Variants in RHCG observed in about 807,000 individuals in gnomAD.
RHCG encodes the protein ammonium transporter Rh type C.
In RHCG, 39 loss-of-function variants were observed where a neutral mutation model predicts 55.3. The ratio of observed to expected loss-of-function variants is 0.70; its 90% CI spans 0.55 to 0.92. The LOEUF is 0.92. Ranked by LOEUF, RHCG falls within the 40% of genes least tolerant of loss-of-function variation. The pLI is 0.00. For synonymous variants in RHCG, 250 were observed against 246.8 expected (o/e 1.01, Z -0.12); for missense variants, 635 against 627.9 (o/e 1.01, Z -0.12).
At chr15:89,496,302 G>T in intron 1 of RHCG, 59 bp downstream of exon 1, 1 of 1,578,402 alleles carries the variant, frequency 6.3e-7, no homozygotes. Flanking sequence ...CCGAGCCCTT[G>T]GCCAGGTGGG....
At chr15:89,491,739 C>T (rs549036580) in intron 1 of RHCG, among the ~76,000 whole-genome samples, 1 of 151,986 alleles carries the variant, frequency 6.6e-6, no homozygotes, top group Admixed American at 6.5e-5. Flanking sequence ...CGCACTCCAG[C>T]CTGGGCAACA....
At chr15:89,494,281 C>A (rs562981621) in intron 1 of RHCG, among the ~76,000 whole-genome samples, 1 of 152,142 alleles carries the variant, frequency 6.6e-6, no homozygotes, top group South Asian at 2.1e-4. Context: ...TGCCACGGTG[C>A]CCCTCTCTGC....
At chr15:89,478,277 T>C (rs888255188) in intron 5 of RHCG, among the ~76,000 whole-genome samples, 3 of 152,238 alleles carry the variant, frequency 2.0e-5, no homozygotes, top group Non-Finnish European at 4.4e-5. Flanking sequence ...GTTTTATGTA[T>C]ACCATGTATA....
chr15:89,490,232 T>C (rs555104916), intron 1 of RHCG, among the ~76,000 whole-genome samples: 1 of 152,320 alleles, frequency 6.6e-6, no homozygotes, highest in East Asian at 1.9e-4. Context: ...CCTGCCCTCA[T>C]CTGTTTCCCT....
rs1041223441 is a variant in RHCG at position 89,477,514 on chromosome 15, T to C, written c.1112+3A>G. 2 of 1,613,924 alleles carry C rather than the reference T, an allele frequency of 1.2e-6. No homozygotes were observed. Among genetic ancestry groups the C allele is most frequent in the African/African-American group, 2.7e-5 (2 of 74,934 alleles). On this transcript the variant is annotated splice_donor_region_variant and intron_variant, in intron 7 of 10. Coordinates refer to ENST00000268122, the MANE Select transcript of RHCG (RefSeq NM_016321.3). The surrounding 1 kb of genome is among the most constrained non-coding windows in gnomAD (Gnocchi z 4.5). Reference sequence around the variant, plus strand: ...CATCCCACCGCACCTCCTCCACATTTACCCTTCTTTTCCATAGACTTCAAG... The same window carrying C: ...CATCCCACCGCACCTCCTCCACATTCACCCTTCTTTTCCATAGACTTCAAG...
Position 89,477,989 on chromosome 15 carries a change from C to T in RHCG, c.838-15G>A. 6.3e-7 allele frequency: 1 copy of T among 1,593,464 alleles called. No individual in the cohort carries two copies. The highest frequency in any genetic ancestry group is 8.6e-7 in the Non-Finnish European group (1 of 1,167,164). Reference sequence around the variant, plus strand: ...TGGATGTGCACCTGGGCAGGGCAGGCAGAGCAGGCAGGAACTCAGTCCTCT... The same window carrying T: ...TGGATGTGCACCTGGGCAGGGCAGGTAGAGCAGGCAGGAACTCAGTCCTCT... On this transcript the variant is annotated splice_polypyrimidine_tract_variant and intron_variant, in intron 5 of 10. Transcript: ENST00000268122. This position sits in a 1 kb window ranked among gnomAD's most constrained non-coding sequence, Gnocchi z 4.5.
chr15:89,473,049 G>T (rs1174761668), intron 9 of RHCG, among the ~76,000 whole-genome samples, 186 bp from the exon 10 acceptor site: 2 of 152,182 alleles, frequency 1.3e-5, no homozygotes, highest in African/African-American at 4.8e-5. Flanking sequence ...CCTATATTAG[G>T]CACTGTCCTG....
At chr15:89,493,162 G>T (rs1463433712) in intron 1 of RHCG, among the ~76,000 whole-genome samples, 1 of 152,188 alleles carries the variant, frequency 6.6e-6, no homozygotes, top group African/African-American at 2.4e-5. Flanking sequence ...TTTGAAACCA[G>T]AGCTTCCTCC....
chr15:89,486,599 AGTGTGTGT>A (rs778060424), intron 2 of RHCG, 192 bp downstream of exon 2: 155 of 264,398 alleles, frequency 5.9e-4, no homozygotes, highest in African/African-American at 5.3e-3. Context: ...AGAGAGAGAG[AGTGTGTGT>A]GTGTGTGTGT....
intron 3 of RHCG, 77 bp from the exon 4 acceptor site, chr15:89,480,485 A>G: frequency 1.3e-6 from 2 of 1,522,202 alleles, no homozygotes; most frequent in East Asian, 2.3e-5. Context: ...CTTGCCACAC[A>G]CACACACGCC....
At chr15:89,487,797 T>G (rs770577906) in intron 1 of RHCG, among the ~76,000 whole-genome samples, 2 of 152,244 alleles carry the variant, frequency 1.3e-5, no homozygotes, top group African/African-American at 2.4e-5. Context: ...TACCCCATAG[T>G]AGGTGATCTA....
chr15:89,481,999 G>C (rs561573098), intron 3 of RHCG, among the ~76,000 whole-genome samples: 3 of 152,188 alleles, frequency 2.0e-5, no homozygotes, highest in African/African-American at 7.2e-5. Flanking sequence ...ACAGGGTTTC[G>C]CCATGTTGGC....
Position 89,477,222 on chromosome 15 carries a change from G to A in RHCG, c.1113-16C>T, listed in dbSNP as rs199648625. 1 of 1,613,846 alleles carries A rather than the reference G, an allele frequency of 6.2e-7. No homozygotes were observed. The highest frequency in any genetic ancestry group is 2.2e-5 in the East Asian group (1 of 44,848). Reference sequence around the variant, plus strand: ...ATGGACAAGCCTGGGGTGGAGACAGGGGGCAGGTCAGGGCCCCATGGAGAG... The same window carrying A: ...ATGGACAAGCCTGGGGTGGAGACAGAGGGCAGGTCAGGGCCCCATGGAGAG... On this transcript the variant is annotated splice_polypyrimidine_tract_variant and intron_variant, in intron 7 of 10. Transcript: ENST00000268122. This position sits in a 1 kb window ranked among gnomAD's most constrained non-coding sequence, Gnocchi z 4.5.
At chr15:89,479,774 C>G (rs959299130) in intron 4 of RHCG, 2 of 463,404 alleles carry the variant, frequency 4.3e-6, no homozygotes, top group Admixed American at 3.8e-5. Flanking sequence ...AATCTTTTCT[C>G]TACTGTAGGG....
At chr15:89,491,784 A>G (rs1213727462) in intron 1 of RHCG, among the ~76,000 whole-genome samples, 1 of 147,320 alleles carries the variant, frequency 6.8e-6, no homozygotes, top group African/African-American at 2.7e-5. Context: ...TAAAAATTAA[A>G]AAAAAAAAGA....
chr15:89,477,452 G>C lies in RHCG; in HGVS notation c.1112+65C>G. ...GATGCAGTCGGGTCCCAGAGGAATA[G>C]CAGGAAGAAGGGATGGGAGAAGGAA... is the stretch of plus-strand genomic sequence containing the variant. On this transcript the variant is annotated intron_variant, in intron 7 of 10. Transcript: ENST00000268122. The surrounding 1 kb of genome is among the most constrained non-coding windows in gnomAD (Gnocchi z 4.5). The C allele has an allele frequency of 5.0e-6, 8 of 1,591,098 alleles. No homozygotes were observed. Among genetic ancestry groups the C allele is most frequent in the African/African-American group, 1.3e-5 (1 of 74,634 alleles).
chr15:89,472,282 T>G (rs1365651455), intron 10 of RHCG, among the ~76,000 whole-genome samples: 7 of 152,164 alleles, frequency 4.6e-5, no homozygotes, highest in Non-Finnish European at 1.5e-5. Flanking sequence ...AGGCACAGTG[T>G]TAGTTGACGG....
chr15:89,493,654 A>G (rs1177936943), intron 1 of RHCG, among the ~76,000 whole-genome samples: 3 of 152,174 alleles, frequency 2.0e-5, no homozygotes, highest in Non-Finnish European at 4.4e-5. Context: ...GGGGACTCAC[A>G]TGGGCCAGGA....
At chr15:89,491,060 G>T (rs1272972009) in intron 1 of RHCG, among the ~76,000 whole-genome samples, 3 of 152,164 alleles carry the variant, frequency 2.0e-5, no homozygotes, top group Non-Finnish European at 4.4e-5. Context: ...GGTGTCAGTT[G>T]CCTGGTGGTA....
Sources: allele counts gnomAD v4.1 joint callset (sites outside exome capture counted in the v4.1 genomes callset), GRCh38; gene constraint gnomAD v4.1.1; non-coding constraint Gnocchi (gnomAD v3.1); transcripts MANE v1.5; gene names NCBI Gene and HGNC (gene_info 2026-07-23, HGNC 2026-07-21).